SYNE2: variants seen among roughly 807,000 people sequenced by gnomAD.
SYNE2 encodes spectrin repeat containing nuclear envelope protein 2.
In SYNE2, 431 loss-of-function variants were observed where a neutral mutation model predicts 856.3. The observed-to-expected ratio is 0.50, with a 90% CI of 0.47 to 0.55. The LOEUF (loss-of-function observed/expected upper bound fraction) is 0.55, where lower values mean the gene tolerates loss of function less well. Among genes scored for constraint, SYNE2 ranks in the 20% least tolerant of loss-of-function variants. The probability of loss-of-function intolerance (pLI) is 0.00; values close to 1 mark genes in which losing one functional copy is unlikely to be tolerated. For synonymous variants in SYNE2, 2,923 were observed against 2,872.3 expected (o/e 1.02, Z -0.56); for missense variants, 8,129 against 8,023.2 (o/e 1.01, Z -0.50).
chr14:64,157,956 C>G (rs1555516259), intron 85 of SYNE2, among the ~76,000 whole-genome samples: 1 of 152,142 alleles, frequency 6.6e-6, no homozygotes, highest in Non-Finnish European at 1.5e-5. Flanking sequence ...TGTAAGTTTT[C>G]TTTACATACT....
At chr14:63,930,875 G>C (rs1254754877) in intron 2 of SYNE2, among the ~76,000 whole-genome samples, 2 of 152,286 alleles carry the variant, frequency 1.3e-5, no homozygotes, top group South Asian at 2.1e-4. Context: ...AGTTCTGTGA[G>C]AGCCATTATA....
intron 45 of SYNE2, among the ~76,000 whole-genome samples, chr14:64,046,330 T>C (rs1165660649): frequency 6.6e-6 from 1 of 152,226 alleles, no homozygotes; most frequent in Admixed American, 6.5e-5. Flanking sequence ...ACTGATTGGC[T>C]TAAGACATAA....
At chr14:63,977,493 T>C in intron 12 of SYNE2, among the ~76,000 whole-genome samples, 1 of 152,214 alleles carries the variant, frequency 6.6e-6, no homozygotes, top group East Asian at 1.9e-4. Flanking sequence ...ATTACAGGCG[T>C]GAGCCACCAC....
At chr14:63,930,285 C>CAA (rs1328534376) in intron 2 of SYNE2, among the ~76,000 whole-genome samples, 15 of 65,160 alleles carry the variant, frequency 2.3e-4, no homozygotes, top group South Asian at 5.3e-4. Flanking sequence ...GACCCTGTCT[C>CAA]AAAAAAAAAA....
chr14:64,048,067 C>G lies in SYNE2; in HGVS notation c.7289C>G (p.Thr2430Ser). The G allele has an allele frequency of 6.2e-7, 1 of 1,613,738 alleles. No individual in the cohort carries two copies. Among genetic ancestry groups the G allele is most frequent in the Non-Finnish European group, 8.5e-7 (1 of 1,179,774 alleles). ...AATGCTCAAGAAAGCATGAAAAACA[C>G]TGAAGATGAGCGGAAAGTCAATGAG... ...SLNAQESMKN[T>S]EDERKVNELQ... Residue 2430 changes from threonine to serine, a missense_variant, in exon 46 of 116, where the codon ACT becomes AGT. By Grantham distance (58) the Thr-to-Ser change is moderately conservative. Coordinates refer to ENST00000555002, the MANE Select transcript of SYNE2 (RefSeq NM_182914.3).
At chr14:63,870,043 T>C (rs1355307002) in intron 1 of SYNE2, among the ~76,000 whole-genome samples, 3 of 152,132 alleles carry the variant, frequency 2.0e-5, no homozygotes, top group African/African-American at 4.8e-5. Flanking sequence ...TTCAAAACAT[T>C]ATTGCGAAAC....
chr14:64,209,072 G>A (rs2140135457), intron 101 of SYNE2, 127 bp downstream of exon 101: 14 of 1,189,922 alleles, frequency 1.2e-5, no homozygotes, highest in Non-Finnish European at 1.7e-5. Flanking sequence ...GGCAGAGAAG[G>A]CCCAACGCTT....
intron 61 of SYNE2, among the ~76,000 whole-genome samples, chr14:64,095,361 G>A (rs1003920765): frequency 2.6e-5 from 4 of 152,136 alleles, no homozygotes; most frequent in Admixed American, 1.3e-4. Context: ...AACTTTATAC[G>A]TTTTTACATT....
At chr14:63,972,912 A>G (rs962234029) in intron 11 of SYNE2, among the ~76,000 whole-genome samples, 4 of 152,216 alleles carry the variant, frequency 2.6e-5, no homozygotes, top group African/African-American at 7.2e-5. Flanking sequence ...TGGCAAATGT[A>G]CAAGTAATTA....
chr14:64,205,349 A>G (rs2098600119), intron 100 of SYNE2, among the ~76,000 whole-genome samples: 1 of 152,234 alleles, frequency 6.6e-6, no homozygotes, highest in African/African-American at 2.4e-5. Flanking sequence ...TACCCCATCC[A>G]AAACACTGGA....
intron 1 of SYNE2, among the ~76,000 whole-genome samples, chr14:63,816,593 T>C (rs1889004541): frequency 6.6e-6 from 1 of 152,118 alleles, no homozygotes; most frequent in South Asian, 2.1e-4. Context: ...CTAAAGCTCG[T>C]CATAAGACCC....
chr14:64,204,206 A>G (rs545795658), intron 100 of SYNE2: 3 of 152,202 alleles, frequency 2.0e-5, no homozygotes, highest in Non-Finnish European at 4.4e-5. Flanking sequence ...TTTGTGCAGA[A>G]AAGAATATTG....
chr14:63,948,782 G>GTGTGTC, intron 6 of SYNE2, among the ~76,000 whole-genome samples: 2 of 43,900 alleles, frequency 4.6e-5, no homozygotes, highest in African/African-American at 1.6e-4. Flanking sequence ...ATGTGTGTGT[G>GTGTGTC]TATATATATA....
intron 64 of SYNE2, among the ~76,000 whole-genome samples, chr14:64,102,973 G>A (rs1436509438): frequency 1.3e-5 from 2 of 152,102 alleles, no homozygotes; most frequent in Admixed American, 6.5e-5. Context: ...TGTCACAAAT[G>A]ACAGAACCTC....
chr14:64,047,894 A>G (rs376834429), intron 45 of SYNE2, 106 bp from the exon 46 acceptor site: 9 of 1,254,414 alleles, frequency 7.2e-6, no homozygotes, highest in East Asian at 2.5e-5. Flanking sequence ...TTTTAAGTCT[A>G]TAATCCAAGT....
At chr14:64,170,574 C>A in intron 94 of SYNE2, 112 bp downstream of exon 94, 1 of 1,148,734 alleles carries the variant, frequency 8.7e-7, no homozygotes, top group African/African-American at 1.5e-5. Flanking sequence ...AGTGGGCTCT[C>A]TGCAGTGTGA....
In SYNE2 at chr14:63,990,929, T is replaced by C. The variant is rs370070538; in HGVS notation, c.2473-13T>C. ...GGTCCCCGTGTTAATTTGAGAATTTTTTTGTCTTCAAGATCAATGTGGTAA... is the reference window on the plus strand; with the variant it reads ...GGTCCCCGTGTTAATTTGAGAATTTCTTTGTCTTCAAGATCAATGTGGTAA... On this transcript the variant is annotated splice_polypyrimidine_tract_variant and intron_variant, in intron 20 of 115. Coordinates refer to ENST00000555002, the MANE Select transcript of SYNE2 (RefSeq NM_182914.3). 23 of 1,613,582 alleles carry C rather than the reference T, an allele frequency of 1.4e-5. No homozygotes were observed. In the African/African-American group the frequency reaches 3.1e-4, roughly 22 times the overall value.
At position 64,225,748 on chromosome 14, in the gene SYNE2, T is replaced by G; in HGVS notation, c.*222T>G. The G allele has an allele frequency of 1.6e-6, 1 of 610,126 alleles. No homozygotes were observed. Among genetic ancestry groups the G allele is most frequent in the East Asian group, 2.8e-5 (1 of 36,248 alleles). The allele number at this position is 610,126 out of a possible 1,614,324, so 37.8% of individuals were successfully genotyped here. The stretch of plus-strand genomic sequence containing the variant: ...CCTGTGTGGCAGGTGCCCCGGGTAT[T>G]TTGGCAGAACTAGTTGATTAGTTTA... On this transcript the variant is annotated 3_prime_UTR_variant, in exon 116 of 116. Transcript: ENST00000555002.
At chr14:64,089,831 G>T in intron 59 of SYNE2, 135 bp downstream of exon 59, 1 of 695,524 alleles carries the variant, frequency 1.4e-6, no homozygotes, top group East Asian at 3.0e-5. Flanking sequence ...AAATTGATGG[G>T]AATAACTATA....
Sources: gnomAD v4.1 joint callset for allele counts (sites outside exome capture counted in the v4.1 genomes callset) on GRCh38, gnomAD v4.1.1 for gene constraint, MANE v1.5 for transcripts, NCBI Gene and HGNC (gene_info 2026-07-23, HGNC 2026-07-21) for gene names.